FANCA: variants seen among roughly 807,000 people sequenced by gnomAD.
The protein encoded by FANCA is FA complementation group A.
A neutral mutation model predicts 194.3 loss-of-function variants in FANCA; 236 were observed. That is an observed-to-expected ratio of 1.21 (90% CI 1.09 to 1.35). FANCA has a LOEUF of 1.35. Ranked by LOEUF, FANCA falls within the 40% of genes most tolerant of loss-of-function variation. FANCA has a pLI of 0.00. For missense variants in FANCA, 2,628 were observed against 1,813.9 expected, an observed-to-expected ratio of 1.45 and a Z score of -8.15; for synonymous variants, 1,014 against 715.8, an observed-to-expected ratio of 1.42 and a Z score of -6.65.
At chr16:89,764,099 GGGCGTGGTGGCA>G (rs2039045078) in intron 28 of FANCA, among the ~76,000 whole-genome samples, 1 of 144,386 alleles carries the variant, frequency 6.9e-6, no homozygotes, top group Non-Finnish European at 1.5e-5. Context: ...AAAATTAGTC[GGGCGTGGTGGCA>G]GGCGCCTGTA....
intron 22 of FANCA, 101 bp downstream of exon 22, chr16:89,773,170 C>T: frequency 2.2e-6 from 2 of 924,904 alleles, no homozygotes; most frequent in Non-Finnish European, 3.4e-6. Flanking sequence ...ACTAGGAAGA[C>T]ACACCAGCCT....
chr16:89,764,673 C>CTAAG lies in FANCA; in HGVS notation c.2778+213_2778+216dup, dbSNP rs1487549119. 10 of 646,794 alleles carry CTAAG rather than the reference C, an allele frequency of 1.5e-5. No homozygotes were observed. In the East Asian group the frequency reaches 3.1e-4, roughly 20 times the overall value. The allele number at this position is 646,794 out of a possible 1,614,324, so 40.1% of individuals were successfully genotyped here. A position where few individuals can be genotyped will look rare whatever the true frequency, so the allele number is the denominator to read the frequency against. On this transcript the variant is annotated intron_variant, in intron 28 of 42. Coordinates refer to ENST00000389301, the MANE Select transcript of FANCA (RefSeq NM_000135.4). Reference sequence around the variant, plus strand: ...TTAGTCAAGATTCCAATCAAACCATCTAAGTGCTGCTGTTCTTGCCTCTGA... The same window carrying CTAAG: ...TTAGTCAAGATTCCAATCAAACCATCTAAGTAAGTGCTGCTGTTCTTGCCTCTGA...
intron 10 of FANCA, 67 bp from the exon 11 acceptor site, chr16:89,796,085 GCA>G: frequency 8.1e-7 from 1 of 1,228,962 alleles, no homozygotes; most frequent in Non-Finnish European, 1.2e-6. Context: ...ACCAATCCCA[GCA>G]CAAACTGTGG....
At chr16:89,803,924 T>G (rs1458637536) in intron 7 of FANCA, among the ~76,000 whole-genome samples, 1 of 152,014 alleles carries the variant, frequency 6.6e-6, no homozygotes, top group Non-Finnish European at 1.5e-5. Context: ...CAGCCCAATT[T>G]TTTTCTCTTA....
At chr16:89,816,080 C>T in intron 1 of FANCA, 94 bp from the exon 2 acceptor site, 1 of 901,554 alleles carries the variant, frequency 1.1e-6, no homozygotes, top group South Asian at 1.3e-5. Flanking sequence ...AGAAACCCAC[C>T]AGCGACACCC....
At chr16:89,784,718 G>A in intron 15 of FANCA, 136 bp downstream of exon 15, 1 of 665,806 alleles carries the variant, frequency 1.5e-6, no homozygotes, top group East Asian at 3.5e-5. Context: ...TGGGGAAGGG[G>A]AAGGGGAAGG....
intron 7 of FANCA, among the ~76,000 whole-genome samples, chr16:89,804,309 A>T (rs1376745270): frequency 1.3e-5 from 2 of 152,154 alleles, no homozygotes; most frequent in African/African-American, 4.8e-5. Context: ...TCAGAACCCA[A>T]ATATCCCAGA....
chr16:89,791,996 A>G lies in FANCA; in HGVS notation c.1156T>C (p.Trp386Arg), dbSNP rs761058304. 1.9e-6 allele frequency: 3 copies of G among 1,614,244 alleles called. No homozygotes were observed. Among genetic ancestry groups the G allele is most frequent in the Non-Finnish European group, 2.5e-6 (3 of 1,180,030 alleles). ...QEVLETQEVH[W>R]QRVLSFVSAL... ...GACACAAAGGAGAGCACTCTCTGCC[A>G]GTGAACCTCCTGCGTTTCCAGAACT... The change falls in exon 13 of 43, where the codon TGG (tryptophan) becomes CGG (arginine). Residue 386 changes from tryptophan (W) to arginine (R), a missense_variant. Trp to Arg is a moderately radical substitution (Grantham distance 101, BLOSUM62 -3). Transcript: ENST00000389301.
chr16:89,800,734 G>A (rs1030784563), intron 8 of FANCA, among the ~76,000 whole-genome samples: 1 of 152,130 alleles, frequency 6.6e-6, no homozygotes, highest in Non-Finnish European at 1.5e-5. Flanking sequence ...GAACAGGATA[G>A]AGAACCCAGA....
In FANCA at chr16:89,814,599, C is replaced by T. The variant is rs759150554; in HGVS notation, c.204G>A (p.Leu68=). The T allele has an allele frequency of 1.2e-6, 2 of 1,613,186 alleles. No homozygotes were observed. Among genetic ancestry groups the T allele is most frequent in the South Asian group, 1.1e-5 (1 of 91,066 alleles). The stretch of plus-strand genomic sequence containing the variant: ...CTTTGCTGAGAGACAATTTTTTACA[C>T]AGTGGACCTTCTACCTAGAATCCAA... The part of the protein sequence containing the change: ...NALLLEVEGP[L]CKKLSLSKVI... Residue 68 remains leucine (L), a synonymous_variant, in exon 3 of 43, where the codon CTG becomes CTA. Coordinates refer to ENST00000389301, the MANE Select transcript of FANCA (RefSeq NM_000135.4).
intron 8 of FANCA, among the ~76,000 whole-genome samples, 193 bp from the exon 9 acceptor site, chr16:89,799,831 A>C (rs1441684366): frequency 6.6e-6 from 1 of 152,190 alleles, no homozygotes; most frequent in African/African-American, 2.4e-5. Flanking sequence ...GTCTCTACTA[A>C]AAATACAAAA....
intron 8 of FANCA, among the ~76,000 whole-genome samples, chr16:89,800,546 A>G (rs1474783918): frequency 1.3e-5 from 2 of 152,360 alleles, no homozygotes; most frequent in East Asian, 1.9e-4. Flanking sequence ...AGAAATAGAA[A>G]AAAAGATTCT....
intron 14 of FANCA, among the ~76,000 whole-genome samples, chr16:89,785,466 G>C (rs530433202): frequency 6.6e-6 from 1 of 152,236 alleles, no homozygotes; most frequent in South Asian, 2.1e-4. Context: ...AAGAGAGGTG[G>C]GTAAGGAACA....
chr16:89,792,442 G>T (rs368368119), intron 12 of FANCA, 29 bp downstream of exon 12: 2 of 1,607,470 alleles, frequency 1.2e-6, no homozygotes, highest in Non-Finnish European at 1.7e-6. Flanking sequence ...CACGAGCTCA[G>T]AAGCAGGTAT....
chr16:89,776,729 G>C (rs1423497555), intron 20 of FANCA, among the ~76,000 whole-genome samples: 3 of 151,984 alleles, frequency 2.0e-5, no homozygotes, highest in Non-Finnish European at 4.4e-5. Context: ...TACTTGGTAG[G>C]CTGAGGTGGG....
chr16:89,815,866 C>T lies in FANCA; in HGVS notation c.189+11G>A, dbSNP rs376765763. ...AAATCTGCCCGCAGACGGACACCAG[C>T]TTCCTCTTACCTCAAGCAAAAGGGC... On this transcript the variant is annotated intron_variant, in intron 2 of 42. Coordinates refer to ENST00000389301, the MANE Select transcript of FANCA (RefSeq NM_000135.4). 3 of 1,599,124 alleles carry T rather than the reference C, an allele frequency of 1.9e-6. No homozygotes were observed. The highest frequency in any genetic ancestry group is 2.6e-6 in the Non-Finnish European group (3 of 1,166,512).
intron 21 of FANCA, among the ~76,000 whole-genome samples, chr16:89,774,917 A>G (rs1238479146): frequency 6.6e-6 from 1 of 151,722 alleles, no homozygotes; most frequent in Admixed American, 6.6e-5. Flanking sequence ...AACATGGCGA[A>G]ACCCCATCTC....
intron 5 of FANCA, 95 bp from the exon 6 acceptor site, chr16:89,808,462 T>G: frequency 7.7e-7 from 1 of 1,292,898 alleles, no homozygotes; most frequent in Non-Finnish European, 1.1e-6. Context: ...AATGTTCAAC[T>G]TAGGTTCTTA....
intron 20 of FANCA, among the ~76,000 whole-genome samples, chr16:89,777,820 G>T (rs1018511368): frequency 6.6e-6 from 1 of 151,902 alleles, no homozygotes; most frequent in East Asian, 1.9e-4. Flanking sequence ...TTTTCCTTCA[G>T]TTCTCCTCTC....
Sources: allele counts gnomAD v4.1 joint callset (sites outside exome capture counted in the v4.1 genomes callset), GRCh38; gene constraint gnomAD v4.1.1; transcripts MANE v1.5; gene names NCBI Gene and HGNC (gene_info 2026-07-23, HGNC 2026-07-21).